The following CERS2 variants were observed in gnomAD, a reference collection of about 807,000 sequenced individuals.
The protein encoded by CERS2 is LAG1 homolog, ceramide synthase 2.
Under a neutral mutation model 56.6 loss-of-function variants are expected in CERS2, and 20 were observed. The ratio of observed to expected loss-of-function variants is 0.35; its 90% CI spans 0.25 to 0.51. The LOEUF (loss-of-function observed/expected upper bound fraction) is 0.51. Among genes scored for constraint, CERS2 ranks in the 20% least tolerant of loss-of-function variants. The pLI is 0.96. For synonymous variants in CERS2, 187 were observed against 175.4 expected (o/e 1.07, Z -0.52); for missense variants, 361 against 488.6 (o/e 0.74, Z 2.46).
Position 150,965,538 on chromosome 1 carries a change from G to C in CERS2, c.*610C>G, listed in dbSNP as rs1339324754. The C allele has an allele frequency of 6.5e-6, 1 of 152,688 alleles. No individual in the cohort carries two copies. The highest frequency in any genetic ancestry group is 1.5e-5 in the Non-Finnish European group (1 of 68,086). The allele number at this position is 152,688 out of a possible 1,614,324, so 9.5% of individuals were successfully genotyped here. On this transcript the variant is annotated 3_prime_UTR_variant, in exon 11 of 11. Transcript: ENST00000368954. ...CCTGTCGCTACAGGGACAGCTGAAA[G>C]AAGTAGCACTAAGAAAGATCATCCG... is the stretch of plus-strand genomic sequence containing the variant.
In CERS2 at chr1:150,965,671, G is replaced by C. The variant is rs1399570700; in HGVS notation, c.*477C>G. 1 of 154,964 alleles carries C rather than the reference G, an allele frequency of 6.5e-6. No homozygotes were observed. The highest frequency in any genetic ancestry group is 1.4e-5 in the Non-Finnish European group (1 of 69,776). The allele number at this position is 154,964 out of a possible 1,614,324, so 9.6% of individuals were successfully genotyped here. A position where few individuals can be genotyped will look rare whatever the true frequency, so the allele number is the denominator to read the frequency against. ...GTGTCATAGAGGGAGAAAGTTAAAA[G>C]CTCAGCTTTGGTTTCTGGCCCAAGT... On this transcript the variant is annotated 3_prime_UTR_variant, in exon 11 of 11. Transcript: ENST00000368954.
chr1:150,968,028 G>C, intron 4 of CERS2, 55 bp downstream of exon 4: 2 of 1,536,554 alleles, frequency 1.3e-6, no homozygotes, highest in South Asian at 1.1e-5. Context: ...ATCCCTCCCA[G>C]CAAGACACAT....
At chr1:150,972,841 C>T (rs1451985460) in intron 1 of CERS2, among the ~76,000 whole-genome samples, 2 of 152,132 alleles carry the variant, frequency 1.3e-5, no homozygotes, top group Non-Finnish European at 2.9e-5. Context: ...TGACTGACAC[C>T]CCCACAAGAC....
At chr1:150,969,227 T>G (rs587747421) in intron 1 of CERS2, 136 bp from the exon 2 acceptor site, 1 of 709,784 alleles carries the variant, frequency 1.4e-6, no homozygotes, top group East Asian at 2.7e-5. Context: ...CCTGGCTATG[T>G]AGCCTTGGGC....
At chr1:150,968,301 C>T (rs1671081481) in intron 3 of CERS2, 94 bp downstream of exon 3, 1 of 1,460,868 alleles carries the variant, frequency 6.8e-7, no homozygotes, top group Non-Finnish European at 9.6e-7. Context: ...CACTGCTTCC[C>T]CATCTCTTCA....
In CERS2 at chr1:150,966,869, A is replaced by G; in HGVS notation, c.742-7T>C. On this transcript the variant is annotated splice_region_variant and splice_polypyrimidine_tract_variant and intron_variant, in intron 8 of 10. Coordinates refer to ENST00000368954, the MANE Select transcript of CERS2 (RefSeq NM_022075.5). ...AGTTAAACATCTTGGCTGACTGCAT[A>G]GAGAGCCCCCATCCATCATCATGGG... 6.2e-7 allele frequency: 1 copy of G among 1,603,652 alleles called. No individual in the cohort carries two copies. Among genetic ancestry groups the G allele is most frequent in the Non-Finnish European group, 8.5e-7 (1 of 1,170,680 alleles).
intron 4 of CERS2, 70 bp downstream of exon 4, chr1:150,968,013 C>G: frequency 6.8e-7 from 1 of 1,466,956 alleles, no homozygotes; most frequent in African/African-American, 1.4e-5. Flanking sequence ...GTATAGCCAC[C>G]GCCTATCCCT....
At chr1:150,966,887 A>G (rs1435682001) in intron 8 of CERS2, 25 bp from the exon 9 acceptor site, 1 of 1,556,862 alleles carries the variant, frequency 6.4e-7, no homozygotes, top group Non-Finnish European at 8.9e-7. Flanking sequence ...CCCATCCATC[A>G]TCATGGGCTC....
intron 9 of CERS2, 57 bp downstream of exon 9, chr1:150,966,699 G>C: frequency 6.2e-7 from 1 of 1,602,888 alleles, no homozygotes; most frequent in South Asian, 1.1e-5. Context: ...AGGAGGGGAA[G>C]AAAGGCAAGG....
rs1277660694 is a variant in CERS2, at chr1:150,968,487, G to T, written c.199C>A (p.Leu67Ile). ...ELYVATPLAA[L>I]LNIKEKTRLR... ...CGAGTTTTCTCCTTTATGTTCAAGA[G>T]GGCAGCCAGTGGTGTAGCCACGTAC... Residue 67 changes from leucine (L) to isoleucine (I), a missense_variant, in exon 3 of 11, where the codon CTC (leucine) becomes ATC (isoleucine). Leu to Ile is a conservative substitution (Grantham distance 5). Transcript: ENST00000368954. 8 of 1,614,010 alleles carry T rather than the reference G, an allele frequency of 5.0e-6. No homozygotes were observed. The highest frequency in any genetic ancestry group is 6.8e-6 in the Non-Finnish European group (8 of 1,179,974).
chr1:150,965,834 A>C lies in CERS2; in HGVS notation c.*314T>G. 1 of 246,624 alleles carries C rather than the reference A, an allele frequency of 4.1e-6. No homozygotes were observed. 15.3% of individuals were successfully genotyped at this position (246,624 alleles called of 1,614,324 possible). On this transcript the variant is annotated 3_prime_UTR_variant, in exon 11 of 11. Transcript: ENST00000368954. ...TGGGGCCAAATTCTCAGAATAAGGA[A>C]TGTGAATTGTAACCCCTACCCACAG...
chr1:150,966,728 C>G (rs764827240), intron 9 of CERS2, 28 bp downstream of exon 9: 1 of 1,605,684 alleles, frequency 6.2e-7, no homozygotes, highest in Admixed American at 1.7e-5. Flanking sequence ...TTCTTCAGAA[C>G]AGGAGTGTAG....
At chr1:150,968,610 T>G (rs1259491767) in intron 2 of CERS2, 98 bp from the exon 3 acceptor site, 20 of 989,306 alleles carry the variant, frequency 2.0e-5, no homozygotes, top group Non-Finnish European at 3.2e-5. Context: ...CCCAGCTTCC[T>G]GGCAACCCCC....
chr1:150,972,550 C>T (rs587659961), intron 1 of CERS2, among the ~76,000 whole-genome samples: 2 of 152,350 alleles, frequency 1.3e-5, no homozygotes, highest in African/African-American at 2.4e-5. Flanking sequence ...GGAGACAACC[C>T]TGTTTTTCCA....
rs771756858 is a variant in CERS2, at chr1:150,967,464, A to G, written c.540T>C (p.Tyr180=). 5.0e-6 allele frequency: 8 copies of G among 1,592,726 alleles called. No individual in the cohort carries two copies. The East Asian group carries it at 1.6e-4, about 31-fold the overall frequency. Reference sequence around the variant, plus strand: ...AGGAAAGTTCAATCATGTAGTACCAATACTGGGAAGGGATAGTGCTCTGGG... The same window carrying G: ...AGGAAAGTTCAATCATGTAGTACCAGTACTGGGAAGGGATAGTGCTCTGGG... ...YPIQSTIPSQ[Y]WYYMIELSFY... is the part of the protein sequence containing the mutation. Residue 180 remains tyrosine (Y), a synonymous_variant, in exon 7 of 11, where the codon TAT becomes TAC. Coordinates refer to ENST00000368954, the MANE Select transcript of CERS2 (RefSeq NM_022075.5).
In CERS2 at chr1:150,965,950, C is replaced by T. The variant is rs969543989; in HGVS notation, c.*198G>A. On this transcript the variant is annotated 3_prime_UTR_variant, in exon 11 of 11. Transcript: ENST00000368954. ...CCGTCCCCCTCTAACAGAATATAAC[C>T]AACGTCCCCCTACCTGGGGATAGGC... The T allele has an allele frequency of 9.0e-6, 5 of 555,526 alleles. No homozygotes were observed. The South Asian group carries it at 1.0e-4, about 12-fold the overall frequency. The allele number at this position is 555,526 out of a possible 1,614,324, so 34.4% of individuals were successfully genotyped here.
rs8444 is a variant in CERS2 at position 150,966,095 on chromosome 1, G to A, written c.*53C>T. ...AAAGTGACCCTATAGCGCAGGGAGC[G>A]GGGTAGTTCCTTGGCTTTATGCATT... On this transcript the variant is annotated 3_prime_UTR_variant, in exon 11 of 11. Coordinates refer to ENST00000368954, the MANE Select transcript of CERS2 (RefSeq NM_022075.5). 571,583 of 1,552,672 alleles carry A rather than the reference G, an allele frequency of 0.37. 108,156 individuals are homozygous for A. Among genetic ancestry groups the A allele is most frequent in the Admixed American group, 0.54 (28,515 of 53,238 alleles).
chr1:150,967,007 C>A, intron 8 of CERS2, 67 bp downstream of exon 8: 5 of 1,589,342 alleles, frequency 3.1e-6, no homozygotes, highest in Non-Finnish European at 4.3e-6. Flanking sequence ...CCCGCACCTC[C>A]CTCCCAAAGA....
At position 150,966,898 on chromosome 1, in the gene CERS2, C is replaced by T. The variant is rs779040835; in HGVS notation, c.742-36G>A. The T allele has an allele frequency of 4.6e-6, 7 of 1,518,790 alleles. No individual in the cohort carries two copies. The Admixed American group carries it at 1.2e-4, about 25-fold the overall frequency. 94.1% of individuals were successfully genotyped at this position (1,518,790 alleles called of 1,614,324 possible). On this transcript the variant is annotated intron_variant, in intron 8 of 10. Transcript: ENST00000368954. ...AGCCCCCATCCATCATCATGGGCTC[C>T]TGACTCCCTCGAGTACATTCATATG...
Sources: allele counts gnomAD v4.1 joint callset (sites outside exome capture counted in the v4.1 genomes callset), GRCh38; gene constraint gnomAD v4.1.1; transcripts MANE v1.5; gene names NCBI Gene and HGNC (gene_info 2026-07-23, HGNC 2026-07-21).